The following PSD3 variants were observed in gnomAD, a reference collection of about 807,000 sequenced individuals.
PSD3 encodes pleckstrin and Sec7 domain containing 3.
A neutral mutation model predicts 105.5 loss-of-function variants in PSD3; 49 were observed. The ratio of observed to expected loss-of-function variants is 0.46; its 90% CI spans 0.37 to 0.59. PSD3 has a LOEUF of 0.59. Among genes scored for constraint, PSD3 ranks in the 20% least tolerant of loss-of-function variants. PSD3 has a pLI of 0.00. For synonymous variants in PSD3, 557 were observed against 457.8 expected (o/e 1.22, Z -2.77); for missense variants, 1,561 against 1,263.8 (o/e 1.24, Z -3.57).
At position 18,594,492 on chromosome 8, in the gene PSD3, T is replaced by G. The variant is rs1803946352; in HGVS notation, c.2481+5872A>C. On this transcript the variant is annotated intron_variant, in intron 12 of 15. Transcript: ENST00000327040. ...ATACAAAAGAAAGAAAGATAATATT[T>G]TCTTAGGTAAACGAAAGTTGAGAGA... Among the ~76,000 whole-genome samples the G allele has an allele frequency of 3.6e-5, 5 of 139,354 alleles. No homozygotes were observed. The South Asian group carries it at 1.1e-3, about 30-fold the overall frequency. 91.4% of individuals were successfully genotyped at this position (139,354 alleles called of 152,430 possible). A position where few individuals can be genotyped will look rare whatever the true frequency, so the allele number is the denominator to read the frequency against.
rs1163888874 is a variant in PSD3, at chr8:18,898,366, T to C, written c.131-25633A>G. On this transcript the variant is annotated intron_variant, in intron 2 of 15. Coordinates refer to ENST00000327040, the MANE Select transcript of PSD3 (RefSeq NM_015310.4). Reference sequence around the variant, plus strand: ...TCACTGTATAATGACCTTCTTTGTCTCTTTTTACATGAGTTTACTTAAAGT... The same window carrying C: ...TCACTGTATAATGACCTTCTTTGTCCCTTTTTACATGAGTTTACTTAAAGT... Among the ~76,000 whole-genome samples the C allele has an allele frequency of 2.6e-5, 4 of 152,348 alleles. No individual in the cohort carries two copies. The East Asian group carries it at 7.7e-4, about 29-fold the overall frequency.
chr8:19,072,430 A>C lies in PSD3; in HGVS notation c.324+11776T>G, dbSNP rs1172996494. ...AAGCCTCAATAATACTCTTGTTTTC[A>C]AAGTCTCACTTGTTCTGAACTGCAG... On this transcript the variant is annotated intron_variant, in intron 1 of 1. Transcript: ENST00000521475. Among the ~76,000 whole-genome samples the C allele has an allele frequency of 1.3e-5, 2 of 152,216 alleles. 1 individual carries two copies. The highest frequency in any genetic ancestry group is 3.8e-4 in the East Asian group (2 of 5,202).
intron 4 of PSD3, among the ~76,000 whole-genome samples, chr8:18,860,263 A>T (rs1161639081): frequency 6.6e-6 from 1 of 152,158 alleles, no homozygotes; most frequent in Admixed American, 6.5e-5. Flanking sequence ...ATGGGGCCCC[A>T]AAACAATGAC....
At chr8:18,983,984 A>G (rs1001848056) in intron 1 of PSD3, among the ~76,000 whole-genome samples, 7 of 150,528 alleles carry the variant, frequency 4.7e-5, no homozygotes, top group African/African-American at 1.7e-4. Flanking sequence ...CAGCCTGGGC[A>G]ACAAAGTGAG....
chr8:18,556,145 C>T, intron 15 of PSD3, 64 bp downstream of exon 15: 2 of 1,572,282 alleles, frequency 1.3e-6, no homozygotes, highest in South Asian at 2.4e-5. Flanking sequence ...AAAGATACCG[C>T]CTCATGGACA....
At chr8:18,610,801 G>C (rs905143456) in intron 11 of PSD3, among the ~76,000 whole-genome samples, 9 of 150,752 alleles carry the variant, frequency 6.0e-5, no homozygotes, top group African/African-American at 2.2e-4. Context: ...GAGGTCTCAA[G>C]ACTTTTACCC....
rs574265282 is a variant in PSD3 at position 18,870,478 on chromosome 8, A to G, written c.1238+1148T>C. On this transcript the variant is annotated intron_variant, in intron 3 of 15. Coordinates refer to ENST00000327040, the MANE Select transcript of PSD3 (RefSeq NM_015310.4). ...TAAATCTCATAAGTAGGAGTTAAAC[A>G]ATGAGAACATATGGGCACAGGGAGG... Among the ~76,000 whole-genome samples the G allele has an allele frequency of 3.3e-5, 5 of 152,226 alleles. No individual in the cohort carries two copies. In the South Asian group the frequency reaches 1.0e-3, roughly 32 times the overall value.
intron 1 of PSD3, among the ~76,000 whole-genome samples, chr8:18,970,398 C>T (rs6995435): frequency 0.014 from 2,067 of 150,124 alleles, 65 homozygotes; most frequent in African/African-American, 0.048. Context: ...ATCTAATTAC[C>T]GGCAAACCAA....
chr8:18,762,834 T>A (rs772022517), intron 9 of PSD3: 15 of 926,236 alleles, frequency 1.6e-5, no homozygotes, highest in Non-Finnish European at 2.2e-5. Flanking sequence ...TCAAGGTCTA[T>A]TTTTTCTTAA....
intron 1 of PSD3, among the ~76,000 whole-genome samples, chr8:19,064,984 G>C (rs35573843): frequency 0.035 from 5,363 of 152,260 alleles, 99 homozygotes; most frequent in Non-Finnish European, 0.042. Flanking sequence ...TTCATGCTAA[G>C]TGCCACATAA....
At chr8:18,913,598 C>T (rs1025125592) in intron 2 of PSD3, among the ~76,000 whole-genome samples, 1 of 151,902 alleles carries the variant, frequency 6.6e-6, no homozygotes, top group African/African-American at 2.4e-5. Context: ...CCTGGGGCCA[C>T]ACAAGCTGCC....
intron 1 of PSD3, among the ~76,000 whole-genome samples, chr8:19,078,866 G>C (rs1172453459): frequency 6.6e-6 from 1 of 151,566 alleles, no homozygotes; most frequent in Non-Finnish European, 1.5e-5. Context: ...AAGAGAAAGA[G>C]GGATCAGAGA....
intron 9 of PSD3, among the ~76,000 whole-genome samples, chr8:18,666,060 C>T (rs569077250): frequency 6.6e-6 from 1 of 151,326 alleles, no homozygotes; most frequent in South Asian, 2.1e-4. Context: ...GTAAACATAC[C>T]TTTTTTTTTG....
chr8:18,625,914 T>A (rs968827289), intron 11 of PSD3, among the ~76,000 whole-genome samples: 1 of 144,586 alleles, frequency 6.9e-6, no homozygotes, highest in African/African-American at 2.6e-5. Flanking sequence ...ATTTATATTT[T>A]GGGTATGTTG....
At chr8:18,683,716 C>G in intron 9 of PSD3, 1 of 745,940 alleles carries the variant, frequency 1.3e-6, no homozygotes, top group Non-Finnish European at 2.5e-6. Context: ...CAAAGACTAT[C>G]CAATTCTGTT....
intron 12 of PSD3, among the ~76,000 whole-genome samples, chr8:18,586,100 C>T (rs1176340231): frequency 1.3e-5 from 2 of 152,128 alleles, no homozygotes; most frequent in African/African-American, 4.8e-5. Flanking sequence ...AGGAGGCATG[C>T]AACATATGGG....
chr8:19,009,237 G>A (rs978829088), intron 1 of PSD3, among the ~76,000 whole-genome samples: 3 of 152,092 alleles, frequency 2.0e-5, no homozygotes, highest in Non-Finnish European at 1.5e-5. Flanking sequence ...ATAATGGTCG[G>A]TGATGAATTA....
At chr8:18,815,024 T>G (rs920506623) in intron 4 of PSD3, among the ~76,000 whole-genome samples, 1 of 152,228 alleles carries the variant, frequency 6.6e-6, no homozygotes, top group Non-Finnish European at 1.5e-5. Flanking sequence ...CCACCAGTCC[T>G]TAGAATACTC....
intron 11 of PSD3, among the ~76,000 whole-genome samples, chr8:18,604,169 G>C (rs991426105): frequency 1.3e-5 from 2 of 152,140 alleles, no homozygotes; most frequent in Admixed American, 6.6e-5. Flanking sequence ...CCCAGAGACT[G>C]GATGAATGGT....
Sources: gnomAD v4.1 joint callset for allele counts (sites outside exome capture counted in the v4.1 genomes callset) on GRCh38, gnomAD v4.1.1 for gene constraint, MANE v1.5 for transcripts, NCBI Gene and HGNC (gene_info 2026-07-23, HGNC 2026-07-21) for gene names.